Variants in ZDHHC14 observed in about 807,000 individuals in gnomAD.
ZDHHC14 encodes the protein zDHHC palmitoyltransferase 14.
Under a neutral mutation model 47.7 loss-of-function variants are expected in ZDHHC14, and 16 were observed. That is an observed-to-expected ratio of 0.34 (90% confidence interval 0.23 to 0.51). The LOEUF (loss-of-function observed/expected upper bound fraction) is 0.51. Among genes scored for constraint, ZDHHC14 ranks in the 20% least tolerant of loss-of-function variants. The pLI is 0.97. For missense variants in ZDHHC14, 515 were observed against 662.5 expected (o/e 0.78, Z 2.44); for synonymous variants, 293 against 278.9 (o/e 1.05, Z -0.50).
At chr6:157,473,919 A>AT (rs970480906) in intron 1 of ZDHHC14, among the ~76,000 whole-genome samples, 165 of 151,862 alleles carry the variant, frequency 1.1e-3, no homozygotes, top group Admixed American at 1.6e-3. Flanking sequence ...TAAAAAAAAA[A>AT]AGTTTGAAGT....
intron 5 of ZDHHC14, among the ~76,000 whole-genome samples, chr6:157,645,180 C>T (rs1777461006): frequency 6.6e-6 from 1 of 152,088 alleles, no homozygotes; most frequent in Non-Finnish European, 1.5e-5. Flanking sequence ...CCTTCTTCCC[C>T]TTCTCTGTAA....
rs768063106 is a variant in ZDHHC14, at chr6:157,536,819, C to CTTTTTTTTTTTTTT, written c.246-5762_246-5749dup. On this transcript the variant is annotated intron_variant, in intron 1 of 8. Coordinates refer to ENST00000359775, the MANE Select transcript of ZDHHC14 (RefSeq NM_024630.3). The stretch of plus-strand genomic sequence containing the variant: ...TCTGTCTATCTATCCCTCCATCTAT[C>CTTTTTTTTTTTTTT]TTTTTTTTTTTTTTTTTGAGACAGA... Among the ~76,000 whole-genome samples, 100 of 97,978 alleles carry CTTTTTTTTTTTTTT rather than the reference C, an allele frequency of 1.0e-3. 21 individuals are homozygous for CTTTTTTTTTTTTTT. The highest frequency in any genetic ancestry group is 6.0e-3 in the African/African-American group (94 of 15,636). The allele number at this position is 97,978 out of a possible 152,430, so 64.3% of individuals were successfully genotyped here. A position where few individuals can be genotyped will look rare whatever the true frequency, so the allele number is the denominator to read the frequency against.
In ZDHHC14 at chr6:157,575,799, G is replaced by A. The variant is rs377371743; in HGVS notation, c.407-17189G>A. 2.6e-5 allele frequency among the ~76,000 whole-genome samples: 4 copies of A among 152,302 alleles called. No homozygotes were observed. The South Asian group carries it at 8.3e-4, about 32-fold the overall frequency. On this transcript the variant is annotated intron_variant, in intron 2 of 8. Coordinates refer to ENST00000359775, the MANE Select transcript of ZDHHC14 (RefSeq NM_024630.3). ...ATTAATATATGCCCTCCAACAGACC[G>A]TAAATTCCTTGAAGGCAAGCACCAG...
intron 1 of ZDHHC14, among the ~76,000 whole-genome samples, chr6:157,441,898 T>G (rs1032341354): frequency 6.6e-6 from 1 of 152,184 alleles, no homozygotes; most frequent in Non-Finnish European, 1.5e-5. Flanking sequence ...GTGTGAGATT[T>G]CCATACAGAA....
intron 1 of ZDHHC14, among the ~76,000 whole-genome samples, chr6:157,503,059 A>G (rs1323730903): frequency 6.6e-6 from 1 of 152,256 alleles, no homozygotes; most frequent in Non-Finnish European, 1.5e-5. Flanking sequence ...AGCCAGGTTC[A>G]AATTGCCTAA....
chr6:157,624,152 C>T (rs1785308159), intron 3 of ZDHHC14, among the ~76,000 whole-genome samples: 1 of 152,188 alleles, frequency 6.6e-6, no homozygotes, highest in Admixed American at 6.5e-5. Flanking sequence ...GCTCTCTTCC[C>T]AGCTCAGCTT....
chr6:157,382,116 A>G lies in ZDHHC14; in HGVS notation c.95A>G (p.Lys32Arg). 6.2e-7 allele frequency: 1 copy of G among 1,613,378 alleles called. No homozygotes were observed. Among genetic ancestry groups the G allele is most frequent in the South Asian group, 1.1e-5 (1 of 91,014 alleles). Reference sequence around the variant, plus strand: ...CCCATGGAGTCGCCCCACAAGAAGAAGAAAATCGCGGCCCGGAGGAAATGG... The same window carrying G: ...CCCATGGAGTCGCCCCACAAGAAGAGGAAAATCGCGGCCCGGAGGAAATGG... ...SSPMESPHKK[K>R]KIAARRKWEV... The change falls in exon 1 of 9, where the codon AAG (lysine) becomes AGG (arginine). Residue 32 changes from lysine to arginine, a missense_variant. Physicochemically the swap from Lys to Arg is conservative, Grantham distance 26. This residue lies in a region of ZDHHC14 where 59 missense variants were observed against 57.7 expected (regional missense o/e 1.02). Coordinates refer to ENST00000359775, the MANE Select transcript of ZDHHC14 (RefSeq NM_024630.3).
chr6:157,660,739 G>A (rs2115002193), intron 8 of ZDHHC14, among the ~76,000 whole-genome samples: 1 of 152,342 alleles, frequency 6.6e-6, no homozygotes, highest in South Asian at 2.1e-4. Context: ...TTAATTGGCA[G>A]CCACTATTGA....
chr6:157,670,958 G>C (rs140412817), intron 8 of ZDHHC14, among the ~76,000 whole-genome samples: 97 of 152,268 alleles, frequency 6.4e-4, no homozygotes, highest in African/African-American at 2.3e-3. Flanking sequence ...AGTGTGCACT[G>C]CATGAAATAA....
chr6:157,435,324 G>A (rs1395500845), intron 1 of ZDHHC14, among the ~76,000 whole-genome samples: 1 of 152,214 alleles, frequency 6.6e-6, no homozygotes, highest in African/African-American at 2.4e-5. Flanking sequence ...AGGGTGCCCC[G>A]CAGAAGTGCT....
intron 1 of ZDHHC14, among the ~76,000 whole-genome samples, chr6:157,438,556 CT>C (rs1456157533): frequency 1.3e-5 from 2 of 152,226 alleles, no homozygotes; most frequent in African/African-American, 2.4e-5. Flanking sequence ...TGAAACCCCC[CT>C]GTGAATTTGC....
intron 3 of ZDHHC14, among the ~76,000 whole-genome samples, chr6:157,614,983 C>G (rs1743436626): frequency 6.6e-6 from 1 of 152,008 alleles, no homozygotes; most frequent in Admixed American, 6.5e-5. Context: ...TGACCAAGCT[C>G]GTCTCAAACT....
chr6:157,572,588 C>A (rs1454087851), intron 2 of ZDHHC14, among the ~76,000 whole-genome samples: 3 of 151,216 alleles, frequency 2.0e-5, no homozygotes, highest in South Asian at 2.1e-4. Flanking sequence ...TGGTGTGCCG[C>A]ACCCATTAAC....
Position 157,589,554 on chromosome 6 carries a change from G to T in ZDHHC14, c.407-3434G>T, listed in dbSNP as rs560217277. ...CTCATGATAGTGAGTGAGTTCTCAT[G>T]AGATATTTGCTTGGCACTTCTCCTT... On this transcript the variant is annotated intron_variant, in intron 2 of 8. Coordinates refer to ENST00000359775, the MANE Select transcript of ZDHHC14 (RefSeq NM_024630.3). 4.6e-5 allele frequency among the ~76,000 whole-genome samples: 7 copies of T among 152,232 alleles called. No individual in the cohort carries two copies. In the South Asian group the frequency reaches 1.5e-3, roughly 32 times the overall value.
chr6:157,593,361 G>A (rs1187688242), intron 3 of ZDHHC14, among the ~76,000 whole-genome samples: 2 of 152,162 alleles, frequency 1.3e-5, no homozygotes, highest in Non-Finnish European at 2.9e-5. Flanking sequence ...GCCTCCCCCA[G>A]CACAGGCACG....
At chr6:157,505,466 C>T (rs190595614) in intron 1 of ZDHHC14, among the ~76,000 whole-genome samples, 290 of 152,322 alleles carry the variant, frequency 1.9e-3, no homozygotes, top group South Asian at 5.8e-3. Context: ...GAGAAGTCCA[C>T]ATCATCTCAA....
At chr6:157,439,863 C>G (rs1223798631) in intron 1 of ZDHHC14, among the ~76,000 whole-genome samples, 1 of 152,148 alleles carries the variant, frequency 6.6e-6, no homozygotes, top group Non-Finnish European at 1.5e-5. Flanking sequence ...TTTGCAGGGC[C>G]ATGGATGAAG....
intron 3 of ZDHHC14, among the ~76,000 whole-genome samples, chr6:157,610,694 A>G (rs1421903246): frequency 1.3e-5 from 2 of 152,300 alleles, no homozygotes; most frequent in East Asian, 1.9e-4. Flanking sequence ...GGACAGACCC[A>G]TGTTGTCCGA....
At chr6:157,497,324 G>A (rs1780091969) in intron 1 of ZDHHC14, among the ~76,000 whole-genome samples, 1 of 152,202 alleles carries the variant, frequency 6.6e-6, no homozygotes, top group African/African-American at 2.4e-5. Context: ...CACAGTTATA[G>A]ATAGTTTGAA....
Sources: allele counts gnomAD v4.1 joint callset (sites outside exome capture counted in the v4.1 genomes callset), GRCh38; gene constraint gnomAD v4.1.1; regional missense constraint gnomAD v4.1.1; transcripts MANE v1.5; gene names NCBI Gene and HGNC (gene_info 2026-07-23, HGNC 2026-07-21).